The following CADM1 variants were observed in gnomAD, a reference collection of about 807,000 sequenced individuals.
The protein encoded by CADM1 is cell adhesion molecule 1.
Under a neutral mutation model 53.1 loss-of-function variants are expected in CADM1, and 15 were observed. The ratio of observed to expected loss-of-function variants is 0.28; its 90% CI spans 0.19 to 0.44. The LOEUF is 0.44. CADM1 is among the 20% of genes least tolerant of loss of function. CADM1 has a pLI of 1.00. For synonymous variants in CADM1, 281 were observed against 243.0 expected (o/e 1.16, Z -1.45); for missense variants, 434 against 611.3 (o/e 0.71, Z 3.06).
At chr11:115,316,064 T>G (rs1215940087) in intron 1 of CADM1, among the ~76,000 whole-genome samples, 1 of 152,120 alleles carries the variant, frequency 6.6e-6, no homozygotes, top group East Asian at 1.9e-4. Context: ...ACCCAAATAA[T>G]TTGGCCAGCC....
In CADM1 at chr11:115,196,631, A is replaced by G. The variant is rs373481394; in HGVS notation, c.1111+1775T>C. Among the ~76,000 whole-genome samples the G allele has an allele frequency of 5.6e-3, 840 of 151,058 alleles. 8 individuals carry two copies. Among genetic ancestry groups the G allele is most frequent in the African/African-American group, 0.02 (813 of 41,084 alleles). On this transcript the variant is annotated intron_variant, in intron 9 of 11. Coordinates refer to ENST00000331581, the MANE Select transcript of CADM1 (RefSeq NM_001301043.2). ...AAAAAAAAAAAAAAATCACAAAACA[A>G]TCTCACACTGTTTTAAGAAAGTTTA... is the stretch of plus-strand genomic sequence containing the variant.
chr11:115,453,473 G>C (rs1469770099), intron 1 of CADM1, among the ~76,000 whole-genome samples: 1 of 151,836 alleles, frequency 6.6e-6, no homozygotes, highest in African/African-American at 2.4e-5. Flanking sequence ...AAGTGGCTAT[G>C]AGTTAGGCCA....
chr11:115,242,343 A>G (rs1273793718), intron 1 of CADM1, among the ~76,000 whole-genome samples: 2 of 151,964 alleles, frequency 1.3e-5, no homozygotes, highest in Non-Finnish European at 2.9e-5. Flanking sequence ...TCAGAAAAAA[A>G]AAAAAAAAAA....
intron 1 of CADM1, among the ~76,000 whole-genome samples, chr11:115,352,314 T>G (rs1488385645): frequency 6.6e-6 from 1 of 152,198 alleles, no homozygotes; most frequent in Non-Finnish European, 1.5e-5. Flanking sequence ...GAATGATGAT[T>G]CTAAGTCCCC....
intron 3 of CADM1, among the ~76,000 whole-genome samples, chr11:115,237,632 C>T (rs1317539171): frequency 6.6e-6 from 1 of 152,106 alleles, no homozygotes; most frequent in Non-Finnish European, 1.5e-5. Context: ...CATCATCTTC[C>T]CGAAGGTGTA....
intron 1 of CADM1, among the ~76,000 whole-genome samples, chr11:115,430,246 C>T (rs1049049863): frequency 4.6e-5 from 7 of 152,176 alleles, no homozygotes; most frequent in African/African-American, 1.4e-4. Flanking sequence ...CATTCTCCTC[C>T]AGCCATTTCC....
At chr11:115,500,241 G>C (rs937229697) in intron 1 of CADM1, among the ~76,000 whole-genome samples, 1 of 151,968 alleles carries the variant, frequency 6.6e-6, no homozygotes, top group South Asian at 2.1e-4. Context: ...TTATAGCATT[G>C]ATTAGTTTGG....
intron 1 of CADM1, among the ~76,000 whole-genome samples, chr11:115,342,911 G>C (rs1301199254): frequency 6.6e-6 from 1 of 152,110 alleles, no homozygotes. Context: ...ACTTTGTAAA[G>C]ATTAAAGACC....
chr11:115,423,360 G>A (rs1278862236), intron 1 of CADM1, among the ~76,000 whole-genome samples: 2 of 152,062 alleles, frequency 1.3e-5, no homozygotes. Context: ...ACTTGCCCCA[G>A]GAGAAACTTA....
intron 1 of CADM1, among the ~76,000 whole-genome samples, chr11:115,404,618 A>T (rs557925422): frequency 5.0e-4 from 74 of 148,800 alleles, no homozygotes; most frequent in Non-Finnish European, 7.1e-4. Context: ...AAATAAAAAT[A>T]AAAAAAAACA....
intron 10 of CADM1, among the ~76,000 whole-genome samples, chr11:115,188,454 TGGAGCAC>T (rs1451871722): frequency 1.3e-5 from 2 of 152,146 alleles, no homozygotes; most frequent in African/African-American, 4.8e-5. Context: ...TGGGTGAGAA[TGGAGCAC>T]CATATGTTGC....
intron 1 of CADM1, among the ~76,000 whole-genome samples, chr11:115,413,071 G>A (rs764550815): frequency 1.2e-4 from 18 of 152,112 alleles, no homozygotes; most frequent in South Asian, 4.2e-4. Flanking sequence ...AGGTTTCTTC[G>A]TAAAAACCTA....
intron 1 of CADM1, among the ~76,000 whole-genome samples, chr11:115,395,400 T>C (rs1946970112): frequency 1.3e-5 from 2 of 152,208 alleles, no homozygotes; most frequent in African/African-American, 4.8e-5. Flanking sequence ...ATCTGCTTTT[T>C]AAAGCAAATC....
chr11:115,352,570 GC>G (rs2135064553), intron 1 of CADM1, among the ~76,000 whole-genome samples: 1 of 152,272 alleles, frequency 6.6e-6, no homozygotes, highest in African/African-American at 2.4e-5. Flanking sequence ...TACAGGATGA[GC>G]AAAGTAAATT....
intron 1 of CADM1, among the ~76,000 whole-genome samples, chr11:115,290,115 T>C (rs1418432058): frequency 6.6e-6 from 1 of 152,182 alleles, no homozygotes; most frequent in Non-Finnish European, 1.5e-5. Context: ...TGTGGAATTA[T>C]GCATGCACAT....
At chr11:115,221,846 G>A (rs1353503958) in intron 5 of CADM1, among the ~76,000 whole-genome samples, 1 of 152,114 alleles carries the variant, frequency 6.6e-6, no homozygotes, top group African/African-American at 2.4e-5. Flanking sequence ...TCATACCCTG[G>A]CAGGAGACAT....
At chr11:115,178,136 C>A (rs561527492) in intron 11 of CADM1, among the ~76,000 whole-genome samples, 4 of 152,104 alleles carry the variant, frequency 2.6e-5, no homozygotes, top group Non-Finnish European at 5.9e-5. Context: ...CATATTTATG[C>A]GGCTTTTAAG....
chr11:115,195,616 T>G (rs1940108285), intron 9 of CADM1, among the ~76,000 whole-genome samples: 1 of 152,232 alleles, frequency 6.6e-6, no homozygotes. Flanking sequence ...CTAAGTCAAA[T>G]GGTTGCTGTA....
chr11:115,180,465 G>A (rs552838266), intron 10 of CADM1, among the ~76,000 whole-genome samples: 9 of 152,082 alleles, frequency 5.9e-5, no homozygotes, highest in African/African-American at 1.7e-4. Flanking sequence ...CAATTAGCCC[G>A]CTCTGAGCTG....
Sources: allele counts gnomAD v4.1 joint callset (sites outside exome capture counted in the v4.1 genomes callset), GRCh38; gene constraint gnomAD v4.1.1; transcripts MANE v1.5; gene names NCBI Gene and HGNC (gene_info 2026-07-23, HGNC 2026-07-21).